Variants in KIF16B observed in about 807,000 individuals in gnomAD.
KIF16B encodes kinesin family member 16B, also known as kinesin-like protein KIF16B.
Under a neutral mutation model 156.3 loss-of-function variants are expected in KIF16B, and 98 were observed. That is an observed-to-expected ratio of 0.63 (90% CI 0.53 to 0.74). The LOEUF is 0.74. KIF16B is among the 30% of genes least tolerant of loss of function. The pLI, the probability that KIF16B is intolerant of heterozygous loss-of-function variation, is 0.00. For synonymous variants in KIF16B, 564 were observed against 583.7 expected (o/e 0.97, Z 0.49); for missense variants, 1,421 against 1,606.5 (o/e 0.88, Z 1.97).
At chr20:16,484,668 TACTGGTGGTGGCTTTTGTTCAA>T (rs1448260934) in intron 12 of KIF16B, among the ~76,000 whole-genome samples, 1 of 152,222 alleles carries the variant, frequency 6.6e-6, no homozygotes, top group Non-Finnish European at 1.5e-5. Flanking sequence ...CGTGTGATGG[TACTGGTGGTGGCTTTTGTTCAA>T]ACCGACTCAA....
chr20:16,446,390 G>A (rs879828782), intron 12 of KIF16B, among the ~76,000 whole-genome samples: 8 of 152,110 alleles, frequency 5.3e-5, no homozygotes, highest in Admixed American at 5.2e-4. Context: ...CGGCTGTCTG[G>A]CTTCAGTAGA....
At chr20:16,479,727 A>G (rs1010697729) in intron 12 of KIF16B, among the ~76,000 whole-genome samples, 1 of 152,188 alleles carries the variant, frequency 6.6e-6, no homozygotes, top group African/African-American at 2.4e-5. Flanking sequence ...ATAGAGTAAC[A>G]TGCTCTACAG....
In KIF16B at chr20:16,379,630, T is replaced by G. The variant is rs780915592; in HGVS notation, c.2372A>C (p.Lys791Thr). The G allele has an allele frequency of 2.5e-6, 4 of 1,614,122 alleles. No homozygotes were observed. Residue 791 changes from lysine (K) to threonine (T), a missense_variant, in exon 19 of 26, where the codon AAG (lysine) becomes ACG (threonine). Lys to Thr is a moderately conservative substitution (Grantham distance 78, BLOSUM62 -1). Coordinates refer to ENST00000354981, the MANE Select transcript of KIF16B (RefSeq NM_024704.5). The part of the protein sequence containing the change: ...RGEVQWVEEE[K>T]RDLEGIRESL... Reference sequence around the variant, plus strand: ...TTCCCGAATGCCTTCCAGGTCCCTCTTCTCCTCTTCCACCCACTGTACCTC... The same window carrying G: ...TTCCCGAATGCCTTCCAGGTCCCTCGTCTCCTCTTCCACCCACTGTACCTC...
intron 25 of KIF16B, among the ~76,000 whole-genome samples, chr20:16,293,323 A>G (rs1210678614): frequency 6.6e-6 from 1 of 152,234 alleles, no homozygotes; most frequent in African/African-American, 2.4e-5. Context: ...AGGAAGGGAT[A>G]GGTCACATAC....
At chr20:16,309,953 T>C (rs919138793) in intron 25 of KIF16B, among the ~76,000 whole-genome samples, 2 of 152,222 alleles carry the variant, frequency 1.3e-5, no homozygotes, top group Non-Finnish European at 2.9e-5. Flanking sequence ...AGGAATTAAA[T>C]GAATGTTTGT....
chr20:16,406,278 C>T (rs1443568966), intron 16 of KIF16B, 96 bp downstream of exon 16: 7 of 1,033,660 alleles, frequency 6.8e-6, no homozygotes, highest in African/African-American at 1.6e-5. Flanking sequence ...CGGTTCTGCA[C>T]CCCAGAAAGT....
At chr20:16,431,104 T>A (rs2066487206) in intron 12 of KIF16B, among the ~76,000 whole-genome samples, 1 of 152,054 alleles carries the variant, frequency 6.6e-6, no homozygotes, top group Non-Finnish European at 1.5e-5. Flanking sequence ...TAGTATTAAC[T>A]CTACCTTCAA....
At chr20:16,317,061 TTTTA>T (rs2063709076) in intron 24 of KIF16B, among the ~76,000 whole-genome samples, 2 of 152,248 alleles carry the variant, frequency 1.3e-5, no homozygotes, top group African/African-American at 4.8e-5. Context: ...CACCAACATC[TTTTA>T]TTTGATTTCT....
intron 12 of KIF16B, among the ~76,000 whole-genome samples, chr20:16,433,549 C>A (rs958988103): frequency 2.0e-5 from 3 of 151,716 alleles, no homozygotes; most frequent in Non-Finnish European, 4.4e-5. Context: ...GGTCAAAAGT[C>A]TTACTTGTTC....
chr20:16,406,209 A>G (rs542725242), intron 16 of KIF16B, among the ~76,000 whole-genome samples, 165 bp downstream of exon 16: 1 of 152,216 alleles, frequency 6.6e-6, no homozygotes, highest in East Asian at 1.9e-4. Flanking sequence ...TCATCAGCCA[A>G]TCATCTGCTG....
Position 16,429,779 on chromosome 20 carries a change from C to T in KIF16B, c.1422+84G>A, listed in dbSNP as rs535802717. ...AATTTAATTTAGTTGTGTTCATGAC[C>T]ATAGAATATTATAATAAACCTAGTT... On this transcript the variant is annotated intron_variant, in intron 13 of 25. Coordinates refer to ENST00000354981, the MANE Select transcript of KIF16B (RefSeq NM_024704.5). The T allele has an allele frequency of 5.0e-5, 59 of 1,186,784 alleles. No homozygotes were observed. In the South Asian group the frequency reaches 9.1e-4, roughly 18 times the overall value. 73.5% of individuals were successfully genotyped at this position (1,186,784 alleles called of 1,614,324 possible).
intron 12 of KIF16B, 114 bp from the exon 13 acceptor site, chr20:16,430,096 T>C (rs2066459357): frequency 1.8e-6 from 2 of 1,135,028 alleles, no homozygotes; most frequent in African/African-American, 3.1e-5. Context: ...TCTAAAAAAC[T>C]GCAAGAAAAA....
At position 16,504,356 on chromosome 20, in the gene KIF16B, C is replaced by T; in HGVS notation, c.1176+16G>A. ...TACTCAAAGAAAATTATCCATAAAT[C>T]TCAGAAAAACCCAACCTGATTCCCT... On this transcript the variant is annotated intron_variant, in intron 10 of 25. Transcript: ENST00000354981. 6.2e-7 allele frequency: 1 copy of T among 1,611,114 alleles called. No individual in the cohort carries two copies. Among genetic ancestry groups the T allele is most frequent in the East Asian group, 2.2e-5 (1 of 44,834 alleles).
intron 23 of KIF16B, among the ~76,000 whole-genome samples, chr20:16,354,972 A>G (rs999059825): frequency 6.6e-6 from 1 of 151,802 alleles, no homozygotes; most frequent in Admixed American, 6.6e-5. Context: ...CAGCAACAAC[A>G]CACAGGCATC....
At chr20:16,362,506 G>T (rs1289926285) in intron 22 of KIF16B, among the ~76,000 whole-genome samples, 1 of 152,142 alleles carries the variant, frequency 6.6e-6, no homozygotes, top group East Asian at 1.9e-4. Context: ...TTACAGGTCA[G>T]TTAAGAATCA....
intron 1 of KIF16B, among the ~76,000 whole-genome samples, chr20:16,553,637 T>C (rs139915395): frequency 6.6e-6 from 1 of 152,180 alleles, no homozygotes; most frequent in African/African-American, 2.4e-5. Context: ...CCTACTGTAC[T>C]TTACTATCTA....
At chr20:16,437,980 A>T (rs2066689736) in intron 12 of KIF16B, among the ~76,000 whole-genome samples, 1 of 124,294 alleles carries the variant, frequency 8.0e-6, no homozygotes, top group South Asian at 2.8e-4. Flanking sequence ...TAAAAATAAA[A>T]AAAAATAATA....
At chr20:16,287,657 TGA>T (rs2063244716) in intron 25 of KIF16B, among the ~76,000 whole-genome samples, 1 of 152,240 alleles carries the variant, frequency 6.6e-6, no homozygotes, top group Non-Finnish European at 1.5e-5. Flanking sequence ...AAAATCCATG[TGA>T]TATTCAGTTT....
chr20:16,386,513 C>G (rs2065234014), intron 17 of KIF16B, among the ~76,000 whole-genome samples: 1 of 151,786 alleles, frequency 6.6e-6, no homozygotes, highest in South Asian at 2.1e-4. Flanking sequence ...AATGTAAATA[C>G]AGTAGAGCGC....
Sources: gnomAD v4.1 joint callset for allele counts (sites outside exome capture counted in the v4.1 genomes callset) on GRCh38, gnomAD v4.1.1 for gene constraint, MANE v1.5 for transcripts, NCBI Gene and HGNC (gene_info 2026-07-23, HGNC 2026-07-21) for gene names.